Variants in CENPT observed in about 807,000 individuals in gnomAD.
CENPT encodes interphase centromere complex protein 22.
A neutral mutation model predicts 59.7 loss-of-function variants in CENPT; 42 were observed. The observed-to-expected ratio is 0.70, with a 90% CI of 0.55 to 0.91. CENPT has a LOEUF of 0.91. Among genes scored for constraint, CENPT ranks in the 40% least tolerant of loss-of-function variants. The probability of loss-of-function intolerance (pLI) is 0.00; values close to 1 mark genes in which losing one functional copy is unlikely to be tolerated. For missense variants in CENPT, 716 were observed against 713.4 expected, an observed-to-expected ratio of 1.00 and a Z score of -0.04; for synonymous variants, 295 against 289.6, an observed-to-expected ratio of 1.02 and a Z score of -0.19.
intron 4 of CENPT, among the ~76,000 whole-genome samples, chr16:67,833,454 T>A (rs2057712307): frequency 6.6e-6 from 1 of 152,198 alleles, no homozygotes. Context: ...AGACCCGGGA[T>A]CAGTCAGGCT....
chr16:67,841,513 C>G (rs2057761058), intron 1 of CENPT: 1 of 151,940 alleles, frequency 6.6e-6, no homozygotes, highest in African/African-American at 2.4e-5. Context: ...TTCCTGGCCC[C>G]CACCACCTCC....
Position 67,828,402 on chromosome 16 carries a change from G to C in CENPT, c.1563-12C>G, listed in dbSNP as rs375353200. On this transcript the variant is annotated splice_polypyrimidine_tract_variant and intron_variant, in intron 15 of 15. Coordinates refer to ENST00000562787, the MANE Select transcript of CENPT (RefSeq NM_025082.4). ...TGACCAGGCCCTGCCTGCAGTGGAG[G>C]AAGAGAAGGGACAGGCAGAATCAGC... The C allele has an allele frequency of 3.7e-6, 6 of 1,611,814 alleles. No individual in the cohort carries two copies. Among genetic ancestry groups the C allele is most frequent in the Non-Finnish European group, 4.2e-6 (5 of 1,178,204 alleles).
intron 1 of CENPT, chr16:67,841,754 C>T (rs2057762616): frequency 6.6e-6 from 1 of 152,256 alleles, no homozygotes; most frequent in African/African-American, 2.4e-5. Context: ...TTAGTCAACG[C>T]AGGCAGCAGC....
intron 12 of CENPT, 74 bp downstream of exon 12, chr16:67,829,691 C>G: frequency 6.6e-7 from 1 of 1,510,140 alleles, no homozygotes. Flanking sequence ...GAAACACAAC[C>G]CAGACAAGGC....
intron 3 of CENPT, among the ~76,000 whole-genome samples, chr16:67,834,405 C>A (rs1214466860): frequency 1.3e-5 from 2 of 152,090 alleles, no homozygotes; most frequent in African/African-American, 4.8e-5. Context: ...CTCAGGAGTT[C>A]GAGAGCAGCC....
intron 12 of CENPT, 111 bp from the exon 13 acceptor site, chr16:67,829,627 G>A: frequency 1.5e-6 from 2 of 1,322,516 alleles, no homozygotes; most frequent in South Asian, 1.3e-5. Context: ...CCTAGCTCCA[G>A]CCAAGCAGGT....
At chr16:67,833,528 C>A (rs971884976) in intron 4 of CENPT, among the ~76,000 whole-genome samples, 2 of 152,232 alleles carry the variant, frequency 1.3e-5, no homozygotes, top group Non-Finnish European at 2.9e-5. Flanking sequence ...CTGGCCCGGG[C>A]CCGGCTAGAG....
chr16:67,828,904 C>G (rs1380665142), intron 13 of CENPT, 61 bp from the exon 14 acceptor site: 6 of 1,509,380 alleles, frequency 4.0e-6, no homozygotes, highest in Non-Finnish European at 5.3e-6. Context: ...TATTCAAGAG[C>G]AAGTCTTGCT....
In CENPT at chr16:67,843,190, G is replaced by C; in HGVS notation, c.-492+4211C>G. ...CTGCGGCCGCCGCGTCGGAGTTACA[G>C]GCTGCTACCGCAGGGCTGGAGGCTG... is the stretch of plus-strand genomic sequence containing the variant. On this transcript the variant is annotated intron_variant, in intron 1 of 15. Coordinates refer to ENST00000562787, the MANE Select transcript of CENPT (RefSeq NM_025082.4). The surrounding 1 kb of genome is among the most constrained non-coding windows in gnomAD (Gnocchi z 5.7). The C allele has an allele frequency of 6.2e-7, 1 of 1,611,426 alleles. No individual in the cohort carries two copies. Among genetic ancestry groups the C allele is most frequent in the Non-Finnish European group, 8.5e-7 (1 of 1,179,704 alleles).
rs2057766215 is a variant in CENPT at position 67,842,227 on chromosome 16, C to T, written c.-492+5174G>A. 6.5e-6 allele frequency: 1 copy of T among 153,570 alleles called. No homozygotes were observed. Among genetic ancestry groups the T allele is most frequent in the Non-Finnish European group, 1.5e-5 (1 of 68,920 alleles). 9.5% of individuals were successfully genotyped at this position (153,570 alleles called of 1,614,324 possible). A position where few individuals can be genotyped will look rare whatever the true frequency, so the allele number is the denominator to read the frequency against. ...CAGTGCCTTGGAAGGCGGCAGGAAT[C>T]CGCACACACCCGCCCCGGAAGTGAG... On this transcript the variant is annotated intron_variant, in intron 1 of 15. Transcript: ENST00000562787. The surrounding 1 kb of genome is among the most constrained non-coding windows in gnomAD (Gnocchi z 4.9).
At position 67,830,264 on chromosome 16, in the gene CENPT, G is replaced by A. The variant is rs2057673196; in HGVS notation, c.862+126C>T. The A allele has an allele frequency of 6.9e-6, 9 of 1,295,624 alleles. No individual in the cohort carries two copies. In the South Asian group the frequency reaches 9.4e-5, roughly 14 times the overall value. 80.3% of individuals were successfully genotyped at this position (1,295,624 alleles called of 1,614,324 possible). A position where few individuals can be genotyped will look rare whatever the true frequency, so the allele number is the denominator to read the frequency against. ...CTGGCCCAACATGGACTCTGCTCTTGGATGAAGGAGGCAGCCACAGCCAGG... is the reference window on the plus strand; with the variant it reads ...CTGGCCCAACATGGACTCTGCTCTTAGATGAAGGAGGCAGCCACAGCCAGG... On this transcript the variant is annotated intron_variant, in intron 11 of 15. Transcript: ENST00000562787.
chr16:67,846,494 A>G (rs1598153148), intron 1 of CENPT, among the ~76,000 whole-genome samples: 2 of 152,380 alleles, frequency 1.3e-5, no homozygotes, highest in South Asian at 4.1e-4. Flanking sequence ...TAACAGCGGC[A>G]GCCATAGCCC....
At chr16:67,831,971 GCTGC>G (rs778711412) in intron 7 of CENPT, 37 bp downstream of exon 7, 2 of 1,587,096 alleles carry the variant, frequency 1.3e-6, no homozygotes, top group Non-Finnish European at 1.7e-6. Context: ...CCCGGACTAA[GCTGC>G]CCATAGCACA....
At chr16:67,830,733 G>A (rs935502996) in intron 10 of CENPT, 185 bp from the exon 11 acceptor site, 30 of 601,948 alleles carry the variant, frequency 5.0e-5, no homozygotes, top group Non-Finnish European at 7.5e-5. Context: ...AGGCCTTATC[G>A]CCTACAGCCC....
At chr16:67,828,628 G>C in intron 14 of CENPT, 39 bp downstream of exon 14, 2 of 1,613,370 alleles carry the variant, frequency 1.2e-6, no homozygotes, top group Non-Finnish European at 1.7e-6. Flanking sequence ...ATCATGACCC[G>C]AGGGGTTCCT....
chr16:67,829,685 C>G (rs1017765890), intron 12 of CENPT, 80 bp downstream of exon 12: 3 of 1,493,694 alleles, frequency 2.0e-6, no homozygotes, highest in Middle Eastern at 1.8e-4. Context: ...TGCCCGGAAA[C>G]ACAACCCAGA....
intron 1 of CENPT, among the ~76,000 whole-genome samples, chr16:67,836,350 A>G (rs1054030524): frequency 6.6e-6 from 1 of 151,986 alleles, no homozygotes; most frequent in African/African-American, 2.4e-5. Context: ...GTGAGCCACT[A>G]CACCCGGCCC....
chr16:67,830,084 A>C lies in CENPT; in HGVS notation c.867T>G (p.Pro289=). ...CTGCCAGAAACTGGGCTGGTTTCCC[A>C]GGGCCTGAGTGAAGGGGAGAGAATA... ...SSGPGLQKNS[P]GKPAQFLAGE... The change falls in exon 12 of 16, where the codon CCT becomes CCG. Residue 289 remains proline, a synonymous_variant. Transcript: ENST00000562787. 1 of 1,614,032 alleles carries C rather than the reference A, an allele frequency of 6.2e-7. No homozygotes were observed. Among genetic ancestry groups the C allele is most frequent in the Non-Finnish European group, 8.5e-7 (1 of 1,179,938 alleles).
chr16:67,835,970 G>A (rs554741097), intron 1 of CENPT, among the ~76,000 whole-genome samples: 4 of 151,910 alleles, frequency 2.6e-5, no homozygotes, highest in Non-Finnish European at 4.4e-5. Flanking sequence ...TGCTGGTCTC[G>A]AACTCCTCAT....
Sources: allele counts gnomAD v4.1 joint callset (sites outside exome capture counted in the v4.1 genomes callset), GRCh38; gene constraint gnomAD v4.1.1; non-coding constraint Gnocchi (gnomAD v3.1); transcripts MANE v1.5; gene names NCBI Gene and HGNC (gene_info 2026-07-23, HGNC 2026-07-21).